The following GNAL variants were observed in gnomAD, a reference collection of about 807,000 sequenced individuals.
GNAL encodes the protein G protein subunit alpha L.
A neutral mutation model predicts 55.1 loss-of-function variants in GNAL; 18 were observed. That is an observed-to-expected ratio of 0.33 (90% CI 0.23 to 0.48). The LOEUF (loss-of-function observed/expected upper bound fraction) is 0.48, where lower values mean the gene tolerates loss of function less well. Among genes scored for constraint, GNAL ranks in the 20% least tolerant of loss-of-function variants. The pLI is 0.99. For missense variants in GNAL, 412 were observed against 614.1 expected (o/e 0.67, Z 3.48); for synonymous variants, 253 against 237.0 (o/e 1.07, Z -0.62).
chr18:11,826,404 T>C (rs2035248357), intron 5 of GNAL, among the ~76,000 whole-genome samples: 1 of 151,196 alleles, frequency 6.6e-6, no homozygotes, highest in Non-Finnish European at 1.5e-5. Flanking sequence ...TAAGCATGGC[T>C]GGGGAAAGAA....
chr18:11,757,451 G>A (rs753497814), intron 4 of GNAL, among the ~76,000 whole-genome samples: 16 of 152,184 alleles, frequency 1.1e-4, no homozygotes, highest in Non-Finnish European at 1.8e-4. Flanking sequence ...CAACCACTTC[G>A]GAGACTAGTC....
intron 4 of GNAL, among the ~76,000 whole-genome samples, chr18:11,787,030 A>G (rs1339143875): frequency 6.6e-6 from 1 of 152,100 alleles, no homozygotes; most frequent in Admixed American, 6.5e-5. Flanking sequence ...GCTTGAGGCC[A>G]GGAGTTTGAG....
intron 4 of GNAL, among the ~76,000 whole-genome samples, chr18:11,800,210 T>C (rs1409066277): frequency 6.6e-6 from 1 of 151,774 alleles, no homozygotes; most frequent in African/African-American, 2.4e-5. Flanking sequence ...GATGGGTGAG[T>C]GGATGGATGG....
At chr18:11,746,192 TA>T in intron 1 of GNAL, 1 of 544,722 alleles carries the variant, frequency 1.8e-6, no homozygotes. Flanking sequence ...TGGAAATGGT[TA>T]AATATCATCA....
At position 11,816,546 on chromosome 18, in the gene GNAL, G is replaced by A. The variant is rs985138451; in HGVS notation, c.625-8372G>A. ...TCTCCTTTCATGATCCACCTGCCTC[G>A]GGCTCCCAAAGTGCTGGGATTATAG... On this transcript the variant is annotated intron_variant, in intron 4 of 11. Coordinates refer to ENST00000334049, the MANE Select transcript of GNAL (RefSeq NM_182978.4). Among the ~76,000 whole-genome samples the A allele has an allele frequency of 1.3e-5, 2 of 151,942 alleles. 1 individual carries two copies. Among genetic ancestry groups the A allele is most frequent in the African/African-American group, 4.8e-5 (2 of 41,352 alleles).
intron 4 of GNAL, among the ~76,000 whole-genome samples, chr18:11,821,264 G>A (rs151334672): frequency 0.033 from 5,070 of 152,244 alleles, 109 homozygotes; most frequent in Non-Finnish European, 0.048. Context: ...TGGTTTTAAA[G>A]AAACCCAGTA....
intron 4 of GNAL, among the ~76,000 whole-genome samples, chr18:11,788,906 A>ATATAT (rs1555650621): frequency 2.6e-3 from 61 of 23,558 alleles, no homozygotes; most frequent in Admixed American, 0.01. Flanking sequence ...CGAAAAAAAA[A>ATATAT]AAAAAAAAAT....
chr18:11,696,006 T>C (rs2031399326), intron 1 of GNAL, among the ~76,000 whole-genome samples: 2 of 152,160 alleles, frequency 1.3e-5, no homozygotes, highest in East Asian at 3.9e-4. Context: ...ATGACTTTTT[T>C]CCCAAGTAAA....
At chr18:11,833,438 T>C (rs969062819) in intron 5 of GNAL, 2 of 152,220 alleles carry the variant, frequency 1.3e-5, no homozygotes, top group African/African-American at 4.8e-5. Flanking sequence ...AGGGACTAGG[T>C]AGGTAGACCA....
chr18:11,859,064 C>T (rs2036071297), intron 5 of GNAL, among the ~76,000 whole-genome samples: 1 of 152,202 alleles, frequency 6.6e-6, no homozygotes, highest in Non-Finnish European at 1.5e-5. Context: ...ACATTCACCA[C>T]CTACCTCCAA....
chr18:11,770,177 GA>G (rs1488330211), intron 4 of GNAL, among the ~76,000 whole-genome samples: 1 of 151,884 alleles, frequency 6.6e-6, no homozygotes, highest in Non-Finnish European at 1.5e-5. Flanking sequence ...ATTTTTAATT[GA>G]GTTGTTTCAA....
At chr18:11,761,333 G>C (rs1568014941) in intron 4 of GNAL, among the ~76,000 whole-genome samples, 1 of 152,152 alleles carries the variant, frequency 6.6e-6, no homozygotes, top group Non-Finnish European at 1.5e-5. Flanking sequence ...GCCCCTGACT[G>C]CTCAGGAATC....
chr18:11,871,864 C>G (rs1193282854), intron 9 of GNAL, among the ~76,000 whole-genome samples: 1 of 152,192 alleles, frequency 6.6e-6, no homozygotes, highest in East Asian at 1.9e-4. Flanking sequence ...TTGAGTATCC[C>G]TTATCCGAAA....
intron 5 of GNAL, chr18:11,857,808 A>G (rs1009701056): frequency 1.2e-5 from 10 of 848,706 alleles, no homozygotes; most frequent in African/African-American, 1.8e-5. Context: ...TTTCTCCACC[A>G]GTACGAACTC....
chr18:11,709,803 C>A (rs902684902), intron 1 of GNAL, among the ~76,000 whole-genome samples: 1 of 151,892 alleles, frequency 6.6e-6, no homozygotes, highest in African/African-American at 2.4e-5. Context: ...CTTTTTCTTG[C>A]CTATATGCTT....
intron 5 of GNAL, among the ~76,000 whole-genome samples, chr18:11,828,227 T>C (rs2035297986): frequency 6.6e-6 from 1 of 151,968 alleles, no homozygotes; most frequent in African/African-American, 2.4e-5. Context: ...AATACTTCAA[T>C]CGTTAAGCAG....
chr18:11,802,229 C>A (rs769481542), intron 4 of GNAL, among the ~76,000 whole-genome samples: 60 of 152,172 alleles, frequency 3.9e-4, no homozygotes, highest in Non-Finnish European at 5.7e-4. Context: ...TGTTGTTTGG[C>A]CCTAAAAGAC....
At chr18:11,738,880 G>GCAGGA (rs1450559272) in intron 1 of GNAL, among the ~76,000 whole-genome samples, 1 of 152,172 alleles carries the variant, frequency 6.6e-6, no homozygotes, top group Non-Finnish European at 1.5e-5. Flanking sequence ...AGGTTGCCAG[G>GCAGGA]CAGGACGGCA....
intron 1 of GNAL, among the ~76,000 whole-genome samples, chr18:11,743,569 A>G (rs2032625918): frequency 6.6e-6 from 1 of 152,204 alleles, no homozygotes; most frequent in Admixed American, 6.5e-5. Context: ...TTTGCTTGAA[A>G]AATTTTTACA....
Sources: allele counts gnomAD v4.1 joint callset (sites outside exome capture counted in the v4.1 genomes callset), GRCh38; gene constraint gnomAD v4.1.1; transcripts MANE v1.5; gene names NCBI Gene and HGNC (gene_info 2026-07-23, HGNC 2026-07-21).